Variants in TMEM254 observed in about 807,000 individuals in gnomAD.
TMEM254 encodes transmembrane protein C10orf57.
A neutral mutation model predicts 13.9 loss-of-function variants in TMEM254; 16 were observed. That is an observed-to-expected ratio of 1.15 (90% CI 0.78 to 1.75). TMEM254 has a LOEUF of 1.75. Among genes scored for constraint, TMEM254 ranks in the 40% most tolerant of loss-of-function variants. The pLI, the probability that TMEM254 is intolerant of heterozygous loss-of-function variation, is 0.00. For synonymous variants in TMEM254, 61 were observed against 56.4 expected (o/e 1.08, Z -0.36); for missense variants, 155 against 149.0 (o/e 1.04, Z -0.21).
At chr10:80,085,178 G>A (rs950443596) in intron 3 of TMEM254, among the ~76,000 whole-genome samples, 7 of 152,100 alleles carry the variant, frequency 4.6e-5, no homozygotes, top group African/African-American at 1.7e-4. Context: ...TAGAGGTTAG[G>A]TTACTCTTAT....
intron 3 of TMEM254, 136 bp from the exon 4 acceptor site, chr10:80,090,661 C>A: frequency 1.3e-6 from 1 of 769,702 alleles, no homozygotes; most frequent in Non-Finnish European, 2.0e-6. Flanking sequence ...CAAGATAAGC[C>A]AGAGAAAAGC....
intron 3 of TMEM254, among the ~76,000 whole-genome samples, chr10:80,089,518 CAAAA>C (rs1844472023): frequency 6.6e-6 from 1 of 151,850 alleles, no homozygotes; most frequent in South Asian, 2.1e-4. Flanking sequence ...AAAAAACAAA[CAAAA>C]AACCTAGCCA....
At chr10:80,090,361 T>C (rs1468474797) in intron 3 of TMEM254, 1 of 717,520 alleles carries the variant, frequency 1.4e-6, no homozygotes, top group East Asian at 2.7e-5. Context: ...AGATAGCTAC[T>C]GCTGTTCCTG....
At chr10:80,086,319 C>T in intron 3 of TMEM254, 1 of 1,308,364 alleles carries the variant, frequency 7.6e-7, no homozygotes, top group Non-Finnish European at 1.0e-6. Context: ...GTTACCTAGC[C>T]ACCAACTGTG....
At chr10:80,082,367 G>T in intron 3 of TMEM254, 163 bp downstream of exon 3, 2 of 708,520 alleles carry the variant, frequency 2.8e-6, no homozygotes, top group East Asian at 5.3e-5. Context: ...GCAGTACCCA[G>T]TAAATGTTTG....
intron 1 of TMEM254, among the ~76,000 whole-genome samples, chr10:80,080,665 A>T (rs1337811738): frequency 6.6e-6 from 1 of 152,174 alleles, no homozygotes. Flanking sequence ...TCAGCCAGGC[A>T]TGGTGGTTCA....
intron 3 of TMEM254, among the ~76,000 whole-genome samples, chr10:80,088,232 G>C (rs1224262607): frequency 6.6e-6 from 1 of 152,004 alleles, no homozygotes; most frequent in Non-Finnish European, 1.5e-5. Context: ...ACACAACACT[G>C]TCTTAATAGC....
chr10:80,081,607 G>A, intron 1 of TMEM254: 4 of 1,347,800 alleles, frequency 3.0e-6, no homozygotes, highest in Non-Finnish European at 4.1e-6. Flanking sequence ...GGTGGAGGCT[G>A]CAGTGAGTCA....
chr10:80,090,878 C>G lies in TMEM254; in HGVS notation c.333C>G (p.Ile111Met), dbSNP rs376370636. 84 of 1,613,990 alleles carry G rather than the reference C, an allele frequency of 5.2e-5. No homozygotes were observed. The highest frequency in any genetic ancestry group is 1.2e-4 in the South Asian group (11 of 91,082). ...TFFFGIASLTILIAYKRKRQK... is the reference protein window; with the variant it reads ...TFFFGIASLTMLIAYKRKRQK... ...TCTTTGGGATAGCGTCTCTCACCATCTTGATTGCTTACAAACGGAAGCGCC... is the reference window on the plus strand; with the variant it reads ...TCTTTGGGATAGCGTCTCTCACCATGTTGATTGCTTACAAACGGAAGCGCC... Residue 111 changes from isoleucine to methionine, a missense_variant, in exon 4 of 4, where the codon ATC becomes ATG. Coordinates refer to ENST00000372281, the MANE Select transcript of TMEM254 (RefSeq NM_025125.4).
chr10:80,086,795 C>T (rs543971192), intron 3 of TMEM254, among the ~76,000 whole-genome samples: 11 of 148,758 alleles, frequency 7.4e-5, no homozygotes, highest in African/African-American at 2.5e-4. Context: ...GAGCCGAGAT[C>T]GCACGACTGC....
intron 3 of TMEM254, among the ~76,000 whole-genome samples, chr10:80,089,681 G>GC (rs61380785): frequency 6.6e-6 from 1 of 151,490 alleles, no homozygotes; most frequent in African/African-American, 2.4e-5. Flanking sequence ...CCATCTCTGG[G>GC]GGGGTTGGAA....
Position 80,081,542 on chromosome 10 carries a change from C to T in TMEM254, c.88-299C>T, listed in dbSNP as rs111751460. 1,051 of 710,220 alleles carry T rather than the reference C, an allele frequency of 1.5e-3. 13 individuals carry two copies. The African/African-American group carries it at 0.017, about 11-fold the overall frequency. 44.0% of individuals were successfully genotyped at this position (710,220 alleles called of 1,614,324 possible). On this transcript the variant is annotated intron_variant, in intron 1 of 3. Coordinates refer to ENST00000372281, the MANE Select transcript of TMEM254 (RefSeq NM_025125.4). ...AAGTAGCTGGGCATGGTGGCACACA[C>T]GTGTAGTCCCATCTACTTGGGAGGC...
At chr10:80,079,777 A>G (rs1843874919) in intron 1 of TMEM254, 6 of 847,904 alleles carry the variant, frequency 7.1e-6, no homozygotes, top group Non-Finnish European at 7.1e-6. Context: ...CAGTGGGGCG[A>G]TCTCGGCTCA....
chr10:80,085,589 A>G (rs570370480), intron 3 of TMEM254, among the ~76,000 whole-genome samples: 3 of 152,090 alleles, frequency 2.0e-5, no homozygotes, highest in African/African-American at 7.2e-5. Flanking sequence ...GACAAGAAAA[A>G]GAAAGTGCCA....
Position 80,090,365 on chromosome 10 carries a change from G to A in TMEM254, c.252-432G>A, listed in dbSNP as rs1048975460. 153 of 717,472 alleles carry A rather than the reference G, an allele frequency of 2.1e-4. No individual in the cohort carries two copies. The Admixed American group carries it at 2.3e-3, about 11-fold the overall frequency. 44.4% of individuals were successfully genotyped at this position (717,472 alleles called of 1,614,324 possible). ...CTGACTCAGTGAGATAGCTACTGCT[G>A]TTCCTGTTTTTCAGATGAGAAAACT... On this transcript the variant is annotated intron_variant, in intron 3 of 3. Coordinates refer to ENST00000372281, the MANE Select transcript of TMEM254 (RefSeq NM_025125.4).
chr10:80,080,440 C>A (rs927875513), intron 1 of TMEM254, among the ~76,000 whole-genome samples: 1 of 152,206 alleles, frequency 6.6e-6, no homozygotes, highest in Non-Finnish European at 1.5e-5. Flanking sequence ...ATTAAAATGT[C>A]ACAACCTTAT....
chr10:80,079,262 C>A, intron 1 of TMEM254: 1 of 1,229,606 alleles, frequency 8.1e-7, no homozygotes, highest in South Asian at 1.4e-5. Context: ...GCTCTGGGAA[C>A]GGGGCCTGTG....
At position 80,088,640 on chromosome 10, in the gene TMEM254, A is replaced by C. The variant is rs191113229; in HGVS notation, c.252-2157A>C. ...TTATTATAAATGACTTTTTTTTAAA[A>C]AAAGATGGAGGGTCTCCAGGAGGCT... On this transcript the variant is annotated intron_variant, in intron 3 of 3. Coordinates refer to ENST00000372281, the MANE Select transcript of TMEM254 (RefSeq NM_025125.4). 1.8e-4 allele frequency among the ~76,000 whole-genome samples: 28 copies of C among 151,436 alleles called. No individual in the cohort carries two copies. In the East Asian group the frequency reaches 5.5e-3, roughly 30 times the overall value.
chr10:80,090,957 T>C lies in TMEM254; in HGVS notation c.*40T>C. 1 of 1,606,032 alleles carries C rather than the reference T, an allele frequency of 6.2e-7. No homozygotes were observed. Among genetic ancestry groups the C allele is most frequent in the South Asian group, 1.1e-5 (1 of 89,398 alleles). ...TTGCTCTACACTTTTACATTCATCC[T>C]CACCCTTTTTTTTGTGGGGTAGAGG... On this transcript the variant is annotated 3_prime_UTR_variant, in exon 4 of 4. Transcript: ENST00000372281.
Sources: allele counts gnomAD v4.1 joint callset (sites outside exome capture counted in the v4.1 genomes callset), GRCh38; gene constraint gnomAD v4.1.1; transcripts MANE v1.5; gene names NCBI Gene and HGNC (gene_info 2026-07-23, HGNC 2026-07-21).